Variants in ROBO1 observed in about 807,000 individuals in gnomAD.
ROBO1 encodes the protein roundabout homolog 1.
A neutral mutation model predicts 195.9 loss-of-function variants in ROBO1; 149 were observed. That is an observed-to-expected ratio of 0.76 (90% confidence interval 0.67 to 0.87). The LOEUF (loss-of-function observed/expected upper bound fraction) is 0.87, where lower values mean the gene tolerates loss of function less well. ROBO1 is among the 40% of genes least tolerant of loss of function. The pLI is 0.00. For synonymous variants in ROBO1, 816 were observed against 733.2 expected (o/e 1.11, Z -1.82); for missense variants, 1,933 against 2,068.3 (o/e 0.93, Z 1.27).
chr3:78,731,393 C>T (rs1005636986), intron 5 of ROBO1, among the ~76,000 whole-genome samples: 4 of 152,150 alleles, frequency 2.6e-5, no homozygotes, highest in Admixed American at 2.6e-4. Context: ...AAAGCCTGCA[C>T]TAGAAGTTAT....
intron 10 of ROBO1, among the ~76,000 whole-genome samples, chr3:78,674,737 G>GT (rs1432840116): frequency 2.6e-5 from 4 of 152,304 alleles, no homozygotes; most frequent in South Asian, 4.1e-4. Context: ...ATAACGTCAT[G>GT]TCAGTTGGCA....
intron 4 of ROBO1, among the ~76,000 whole-genome samples, chr3:78,920,360 A>G (rs1291979692): frequency 1.3e-5 from 2 of 152,040 alleles, no homozygotes; most frequent in African/African-American, 2.4e-5. Flanking sequence ...GCTGGAGTAC[A>G]GTGGCACAAT....
intron 4 of ROBO1, among the ~76,000 whole-genome samples, chr3:78,907,915 A>G (rs1014324136): frequency 1.6e-4 from 25 of 152,114 alleles, no homozygotes; most frequent in Non-Finnish European, 2.9e-4. Context: ...GAAGGATAAC[A>G]ATAAAATTTC....
chr3:79,695,791 A>C (rs527493468), intron 1 of ROBO1, among the ~76,000 whole-genome samples: 12 of 151,664 alleles, frequency 7.9e-5, no homozygotes, highest in Admixed American at 5.3e-4. Flanking sequence ...TAAATGTAGA[A>C]TCTAGAGTAA....
intron 2 of ROBO1, among the ~76,000 whole-genome samples, chr3:79,359,576 T>TA (rs1343340319): frequency 6.6e-6 from 1 of 152,038 alleles, no homozygotes; most frequent in African/African-American, 2.4e-5. Flanking sequence ...GTTGTCATGA[T>TA]AGGTTATATT....
At chr3:78,781,889 T>C (rs2083687413) in intron 4 of ROBO1, among the ~76,000 whole-genome samples, 1 of 152,146 alleles carries the variant, frequency 6.6e-6, no homozygotes, top group Admixed American at 6.5e-5. Context: ...AATAAAAACA[T>C]TTACAAAAGT....
intron 10 of ROBO1, among the ~76,000 whole-genome samples, chr3:78,673,759 A>G (rs1319406174): frequency 6.6e-6 from 1 of 150,930 alleles, no homozygotes; most frequent in Non-Finnish European, 1.5e-5. Flanking sequence ...ATGTTAATAT[A>G]CATAAATATA....
At chr3:78,797,417 G>A (rs2084218047) in intron 4 of ROBO1, among the ~76,000 whole-genome samples, 1 of 152,096 alleles carries the variant, frequency 6.6e-6, no homozygotes, top group Non-Finnish European at 1.5e-5. Flanking sequence ...TATGAAATGG[G>A]AAGGCTCTAC....
intron 3 of ROBO1, among the ~76,000 whole-genome samples, chr3:78,960,729 A>G (rs1278479657): frequency 1.3e-5 from 2 of 151,110 alleles, no homozygotes; most frequent in African/African-American, 2.4e-5. Flanking sequence ...GTGAGCCGAG[A>G]TTGCGCCACT....
intron 2 of ROBO1, among the ~76,000 whole-genome samples, chr3:79,148,150 A>G (rs1386779057): frequency 6.6e-6 from 1 of 151,756 alleles, no homozygotes; most frequent in Non-Finnish European, 1.5e-5. Context: ...TGAGAGTCAT[A>G]TGGGGCATTC....
At chr3:79,520,068 A>G (rs1941141905) in intron 2 of ROBO1, among the ~76,000 whole-genome samples, 1 of 151,558 alleles carries the variant, frequency 6.6e-6, no homozygotes, top group African/African-American at 2.4e-5. Flanking sequence ...CTTAGAAGGT[A>G]GGAGGATTGC....
chr3:79,216,598 A>G (rs1245208950), intron 2 of ROBO1, among the ~76,000 whole-genome samples: 1 of 151,944 alleles, frequency 6.6e-6, no homozygotes, highest in Non-Finnish European at 1.5e-5. Context: ...GTAATATTTT[A>G]TAGAATCTGT....
intron 14 of ROBO1, among the ~76,000 whole-genome samples, chr3:78,666,355 G>A (rs1707735599): frequency 6.6e-6 from 1 of 152,202 alleles, no homozygotes; most frequent in African/African-American, 2.4e-5. Context: ...TGAATGTTCA[G>A]ACAGAATGCT....
At chr3:79,089,724 T>A (rs2108485479) in intron 3 of ROBO1, among the ~76,000 whole-genome samples, 1 of 152,294 alleles carries the variant, frequency 6.6e-6, no homozygotes, top group Admixed American at 6.5e-5. Context: ...AAGATAAGAA[T>A]ATTCATGATT....
At chr3:78,622,397 G>A (rs1420116854) in intron 26 of ROBO1, among the ~76,000 whole-genome samples, 1 of 152,106 alleles carries the variant, frequency 6.6e-6, no homozygotes, top group Non-Finnish European at 1.5e-5. Context: ...TTTACTGTGA[G>A]CCTACCATGG....
At chr3:79,653,746 C>T (rs1287180579) in intron 1 of ROBO1, among the ~76,000 whole-genome samples, 1 of 151,606 alleles carries the variant, frequency 6.6e-6, no homozygotes, top group Non-Finnish European at 1.5e-5. Context: ...CAGATGAATC[C>T]CTTGAGTCTC....
At chr3:79,412,931 T>C (rs2037841415) in intron 2 of ROBO1, among the ~76,000 whole-genome samples, 2 of 140,010 alleles carry the variant, frequency 1.4e-5, no homozygotes, top group African/African-American at 5.2e-5. Flanking sequence ...ATTATCTGCT[T>C]TACAATGAAG....
At chr3:79,406,232 T>C (rs2037540963) in intron 2 of ROBO1, among the ~76,000 whole-genome samples, 1 of 143,238 alleles carries the variant, frequency 7.0e-6, no homozygotes, top group Non-Finnish European at 1.5e-5. Flanking sequence ...TCTGGGAACA[T>C]AGTGGAACCC....
intron 4 of ROBO1, among the ~76,000 whole-genome samples, chr3:78,893,435 G>T (rs925255269): frequency 3.9e-5 from 6 of 152,118 alleles, no homozygotes; most frequent in African/African-American, 1.4e-4. Context: ...AACCAAACTG[G>T]CTGATGCCTT....
Sources: allele counts gnomAD v4.1 joint callset (sites outside exome capture counted in the v4.1 genomes callset), GRCh38; gene constraint gnomAD v4.1.1; transcripts MANE v1.5; gene names NCBI Gene and HGNC (gene_info 2026-07-23, HGNC 2026-07-21).